The following SYN3 variants were observed in gnomAD, a reference collection of about 807,000 sequenced individuals.
The protein encoded by SYN3 is synapsin-3.
A neutral mutation model predicts 65.8 loss-of-function variants in SYN3; 35 were observed. The ratio of observed to expected loss-of-function variants is 0.53; its 90% CI spans 0.41 to 0.70. The LOEUF (loss-of-function observed/expected upper bound fraction) is 0.70, where lower values mean the gene tolerates loss of function less well. Ranked by LOEUF, SYN3 falls within the 30% of genes least tolerant of loss-of-function variation. The pLI, the probability that SYN3 is intolerant of heterozygous loss-of-function variation, is 0.00. For missense variants in SYN3, 680 were observed against 749.0 expected (o/e 0.91, Z 1.08); for synonymous variants, 270 against 292.9 (o/e 0.92, Z 0.80).
At chr22:32,995,667 CTT>C (rs60646067) in intron 2 of SYN3, among the ~76,000 whole-genome samples, 20 of 146,370 alleles carry the variant, frequency 1.4e-4, no homozygotes, top group Non-Finnish European at 2.3e-4. Flanking sequence ...ACTGAAGCTG[CTT>C]TTTTTTTTTT....
intron 6 of SYN3, among the ~76,000 whole-genome samples, chr22:32,738,553 C>T (rs188076633): frequency 7.2e-5 from 11 of 152,270 alleles, no homozygotes; most frequent in African/African-American, 2.4e-5. Flanking sequence ...CCAGTTATTC[C>T]CTGTTGGCTT....
chr22:33,053,908 C>T (rs2054212345), intron 1 of SYN3, among the ~76,000 whole-genome samples: 1 of 152,084 alleles, frequency 6.6e-6, no homozygotes, highest in South Asian at 2.1e-4. Flanking sequence ...CAATCATGAC[C>T]AAAAGATTTG....
intron 6 of SYN3, among the ~76,000 whole-genome samples, chr22:32,605,324 T>C (rs1318932010): frequency 6.6e-6 from 1 of 152,106 alleles, no homozygotes; most frequent in Non-Finnish European, 1.5e-5. Context: ...GGGAAGGGCC[T>C]GGCACCAGAG....
chr22:32,708,523 G>A (rs11089588), intron 6 of SYN3, among the ~76,000 whole-genome samples: 4,031 of 152,210 alleles, frequency 0.026, 191 homozygotes, highest in African/African-American at 0.092. Flanking sequence ...TAAAACCATC[G>A]TCTCTCCCTG....
intron 3 of SYN3, among the ~76,000 whole-genome samples, chr22:32,952,182 C>T (rs541946483): frequency 5.3e-5 from 8 of 152,192 alleles, no homozygotes; most frequent in Admixed American, 2.6e-4. Flanking sequence ...AGTAGAAGCA[C>T]TCGGCATCTC....
intron 6 of SYN3, chr22:32,859,133 C>A (rs1168329614): frequency 6.3e-7 from 1 of 1,598,024 alleles, no homozygotes; most frequent in South Asian, 1.1e-5. Context: ...CAGGCCTGGG[C>A]ATACCATGGC....
In SYN3 at chr22:32,636,978, C is replaced by T. The variant is rs147597387; in HGVS notation, c.712-40242G>A. On this transcript the variant is annotated intron_variant, in intron 6 of 13. Coordinates refer to ENST00000358763, the MANE Select transcript of SYN3 (RefSeq NM_003490.4). ...AACAGATAAAAGTAAGGCCACTCCACCCTGTCCCGCCTCCACCATAAACTT... is the reference window on the plus strand; with the variant it reads ...AACAGATAAAAGTAAGGCCACTCCATCCTGTCCCGCCTCCACCATAAACTT... Among the ~76,000 whole-genome samples, 304 of 152,312 alleles carry T rather than the reference C, an allele frequency of 2.0e-3. 2 individuals carry two copies. Among genetic ancestry groups the T allele is most frequent in the African/African-American group, 7.0e-3 (292 of 41,554 alleles).
chr22:32,782,319 T>C (rs1410330847), intron 6 of SYN3, among the ~76,000 whole-genome samples: 2 of 151,790 alleles, frequency 1.3e-5, no homozygotes, highest in Non-Finnish European at 2.9e-5. Context: ...CCACCCACCT[T>C]GGCCTCCCAA....
rs199873334 is a variant in SYN3 at position 32,954,099 on chromosome 22, CAACAAAACAAAACAAAACAAAACAA to C, written c.370-22643_370-22619del. Among the ~76,000 whole-genome samples, 9 of 145,358 alleles carry C rather than the reference CAACAAAACAAAACAAAACAAAACAA, an allele frequency of 6.2e-5. No homozygotes were observed. In the East Asian group the frequency reaches 1.2e-3, roughly 20 times the overall value. ...TTCCTGAGAGAGTTGTACCCACACC[CAACAAAACAAAACAAAACAAAACAA>C]AACAAAACAAAACAAAACAAAACAA... On this transcript the variant is annotated intron_variant, in intron 3 of 13. Transcript: ENST00000358763.
At chr22:32,669,909 G>C (rs1601879982) in intron 6 of SYN3, among the ~76,000 whole-genome samples, 1 of 152,150 alleles carries the variant, frequency 6.6e-6, no homozygotes, top group African/African-American at 2.4e-5. Flanking sequence ...TGGGCCATGA[G>C]GCAGGTATAG....
In SYN3 at chr22:32,680,101, G is replaced by A. The variant is rs983702278; in HGVS notation, c.712-83365C>T. Reference sequence around the variant, plus strand: ...GAGGTTCAGGTAATATTCTGTAATCGAATGAATAAATAATTATTGATTTCT... The same window carrying A: ...GAGGTTCAGGTAATATTCTGTAATCAAATGAATAAATAATTATTGATTTCT... On this transcript the variant is annotated intron_variant, in intron 6 of 13. Transcript: ENST00000358763. Among the ~76,000 whole-genome samples, 230 of 151,924 alleles carry A rather than the reference G, an allele frequency of 1.5e-3. 1 individual carries two copies. Among genetic ancestry groups the A allele is most frequent in the African/African-American group, 5.2e-3 (214 of 41,460 alleles).
chr22:33,002,994 T>C (rs1365675925), intron 2 of SYN3, among the ~76,000 whole-genome samples: 1 of 152,190 alleles, frequency 6.6e-6, no homozygotes, highest in Non-Finnish European at 1.5e-5. Context: ...CAAGAGCTGA[T>C]GGTTTTATAA....
chr22:32,873,130 T>C (rs961931815), intron 4 of SYN3, among the ~76,000 whole-genome samples: 4 of 152,032 alleles, frequency 2.6e-5, no homozygotes, highest in African/African-American at 9.7e-5. Context: ...TTTGTATTTT[T>C]AGTAGAGGCA....
In SYN3 at chr22:33,033,868, A is replaced by G. The variant is rs1291578933; in HGVS notation, c.-163+24424T>C. ...GCCAAAGCCACAACACAGGTCTCCA[A>G]GGTACAATGATCACAATTAAAAACC... is the stretch of plus-strand genomic sequence containing the variant. On this transcript the variant is annotated intron_variant, in intron 1 of 13. Transcript: ENST00000358763. Among the ~76,000 whole-genome samples, 2 of 152,104 alleles carry G rather than the reference A, an allele frequency of 1.3e-5. 1 individual carries two copies. The highest frequency in any genetic ancestry group is 3.9e-4 in the East Asian group (2 of 5,158).
rs978247541 is a variant in SYN3 at position 32,508,852 on chromosome 22, C to A, written c.*4840G>T. ...ACTCTCTTGACCCATGCACAAGATACCTGCACTAGCTTGCCAGATGAGAAC... is the reference window on the plus strand; with the variant it reads ...ACTCTCTTGACCCATGCACAAGATAACTGCACTAGCTTGCCAGATGAGAAC... On this transcript the variant is annotated 3_prime_UTR_variant, in exon 14 of 14. Transcript: ENST00000358763. 1.3e-5 allele frequency among the ~76,000 whole-genome samples: 2 copies of A among 152,166 alleles called. No homozygotes were observed. The highest frequency in any genetic ancestry group is 2.9e-5 in the Non-Finnish European group (2 of 68,036).
At chr22:32,621,969 A>G (rs1215771787) in intron 6 of SYN3, among the ~76,000 whole-genome samples, 5 of 151,884 alleles carry the variant, frequency 3.3e-5, no homozygotes, top group Non-Finnish European at 7.4e-5. Context: ...ACAGATAGGT[A>G]TAACTCCTGA....
intron 6 of SYN3, among the ~76,000 whole-genome samples, chr22:32,714,238 T>C (rs1431680596): frequency 1.3e-5 from 2 of 152,198 alleles, no homozygotes; most frequent in African/African-American, 4.8e-5. Context: ...AAGGGCATTG[T>C]ACAGGAGCCA....
In SYN3 at chr22:32,507,981, C is replaced by T. The variant is rs2057649666; in HGVS notation, c.*5711G>A. Reference sequence around the variant, plus strand: ...AGCCCTGAGAAACATCGCCCATTCTCTCTCCATACCACCCCCCAAAAATTT... The same window carrying T: ...AGCCCTGAGAAACATCGCCCATTCTTTCTCCATACCACCCCCCAAAAATTT... On this transcript the variant is annotated 3_prime_UTR_variant, in exon 14 of 14. Transcript: ENST00000358763. Among the ~76,000 whole-genome samples, 1 of 152,116 alleles carries T rather than the reference C, an allele frequency of 6.6e-6. No homozygotes were observed. The highest frequency in any genetic ancestry group is 2.1e-4 in the South Asian group (1 of 4,826).
At chr22:32,731,724 C>T (rs560512070) in intron 6 of SYN3, among the ~76,000 whole-genome samples, 38 of 152,268 alleles carry the variant, frequency 2.5e-4, no homozygotes, top group Admixed American at 8.5e-4. Context: ...AAATCCTCCA[C>T]GGTTAATGAC....
Sources: gnomAD v4.1 joint callset for allele counts (sites outside exome capture counted in the v4.1 genomes callset) on GRCh38, gnomAD v4.1.1 for gene constraint, MANE v1.5 for transcripts, NCBI Gene and HGNC (gene_info 2026-07-23, HGNC 2026-07-21) for gene names.